The following THSD7B variants were observed in gnomAD, a reference collection of about 807,000 sequenced individuals.
THSD7B encodes the protein thrombospondin type-1 domain-containing protein 7B.
Under a neutral mutation model 213.6 loss-of-function variants are expected in THSD7B, and 138 were observed. That is an observed-to-expected ratio of 0.65 (90% confidence interval 0.56 to 0.74). The LOEUF is 0.74. Among genes scored for constraint, THSD7B ranks in the 30% least tolerant of loss-of-function variants. The probability of loss-of-function intolerance (pLI) is 0.00; values close to 1 mark genes in which losing one functional copy is unlikely to be tolerated. For synonymous variants in THSD7B, 742 were observed against 687.0 expected (o/e 1.08, Z -1.25); for missense variants, 1,931 against 1,991.5 (o/e 0.97, Z 0.58).
At chr2:137,290,741 T>C (rs909621296) in intron 12 of THSD7B, among the ~76,000 whole-genome samples, 9 of 152,236 alleles carry the variant, frequency 5.9e-5, no homozygotes, top group African/African-American at 2.2e-4. Context: ...TTTCTAAAAG[T>C]GAACCTATTT....
chr2:137,115,027 A>C, intron 4 of THSD7B, 97 bp from the exon 5 acceptor site: 1 of 1,376,108 alleles, frequency 7.3e-7, no homozygotes, highest in Non-Finnish European at 1.0e-6. Context: ...CCCTAGAAAG[A>C]GAGATTATGC....
chr2:137,251,814 T>C (rs1682183266), intron 10 of THSD7B, among the ~76,000 whole-genome samples: 1 of 152,226 alleles, frequency 6.6e-6, no homozygotes, highest in Admixed American at 6.5e-5. Context: ...TTAGTGATTC[T>C]AAGACACAAT....
intron 17 of THSD7B, among the ~76,000 whole-genome samples, chr2:137,613,822 C>T (rs940646188): frequency 2.0e-5 from 3 of 152,096 alleles, no homozygotes; most frequent in African/African-American, 7.2e-5. Flanking sequence ...CCTCACACTC[C>T]TCCATCTCTC....
chr2:137,176,655 A>T (rs1309961555), intron 7 of THSD7B, among the ~76,000 whole-genome samples: 1 of 152,186 alleles, frequency 6.6e-6, no homozygotes, highest in Admixed American at 6.6e-5. Context: ...TCCAGCTGAT[A>T]TCACCTACAT....
intron 27 of THSD7B, among the ~76,000 whole-genome samples, chr2:137,675,754 G>A (rs2104835279): frequency 6.6e-6 from 1 of 152,234 alleles, no homozygotes; most frequent in Admixed American, 6.5e-5. Context: ...GGCTGTGTGG[G>A]CAGGGCAAAG....
At chr2:137,658,169 C>G (rs1225438591) in intron 24 of THSD7B, among the ~76,000 whole-genome samples, 1 of 152,180 alleles carries the variant, frequency 6.6e-6, no homozygotes, top group Admixed American at 6.5e-5. Context: ...TGCTCTTGCA[C>G]TATTGGTATT....
chr2:137,056,907 C>G lies in THSD7B; in HGVS notation c.627C>G (p.Pro209=), dbSNP rs17727482. The stretch of plus-strand genomic sequence containing the variant: ...ATAGAACTCGCGCGGTCATAGCTCC[C>G]CCTCTCTTTGGTGGTTTGCAATGTC... ...LQHRTRAVIA[P]PLFGGLQCPN... The change falls in exon 3 of 28, where the codon CCC becomes CCG. Residue 209 remains proline, a synonymous_variant. Coordinates refer to ENST00000409968, the MANE Select transcript of THSD7B (RefSeq NM_001316349.2). The G allele has an allele frequency of 0.36, 578,985 of 1,613,592 alleles. 112,990 individuals carry two copies. The highest frequency in any genetic ancestry group is 0.4 in the Non-Finnish European group (469,452 of 1,179,788).
At chr2:137,063,272 A>G (rs1207462771) in intron 3 of THSD7B, among the ~76,000 whole-genome samples, 1 of 152,004 alleles carries the variant, frequency 6.6e-6, no homozygotes, top group Non-Finnish European at 1.5e-5. Flanking sequence ...TAGATCATTT[A>G]TGCTTAAAGT....
intron 1 of THSD7B, among the ~76,000 whole-genome samples, chr2:136,790,843 C>G (rs1681953552): frequency 6.6e-6 from 1 of 152,006 alleles, no homozygotes; most frequent in Non-Finnish European, 1.5e-5. Flanking sequence ...CCAAGTGTAG[C>G]AGAGGAAACT....
At chr2:137,121,015 G>A (rs1221737910) in intron 5 of THSD7B, among the ~76,000 whole-genome samples, 1 of 152,208 alleles carries the variant, frequency 6.6e-6, no homozygotes, top group Non-Finnish European at 1.5e-5. Context: ...TCCAAAGTGA[G>A]ATTGGTTTCT....
chr2:137,625,138 T>C (rs1573750587), intron 20 of THSD7B, among the ~76,000 whole-genome samples: 1 of 152,114 alleles, frequency 6.6e-6, no homozygotes, highest in Non-Finnish European at 1.5e-5. Flanking sequence ...TGGAATACTA[T>C]GCAGCCATAA....
intron 10 of THSD7B, among the ~76,000 whole-genome samples, chr2:137,252,665 G>T (rs1682213278): frequency 6.6e-6 from 1 of 152,190 alleles, no homozygotes; most frequent in Non-Finnish European, 1.5e-5. Flanking sequence ...AGCCCTTGAG[G>T]CCAGAGACTC....
intron 5 of THSD7B, among the ~76,000 whole-genome samples, chr2:137,140,927 G>T (rs1011787449): frequency 1.3e-5 from 2 of 152,148 alleles, no homozygotes; most frequent in Admixed American, 6.6e-5. Flanking sequence ...AAATAGGGAA[G>T]TCAGTAAAAG....
At chr2:136,935,489 G>T (rs1684706637) in intron 2 of THSD7B, among the ~76,000 whole-genome samples, 1 of 152,148 alleles carries the variant, frequency 6.6e-6, no homozygotes, top group African/African-American at 2.4e-5. Flanking sequence ...CTGGATGGAA[G>T]ATTTGAATAT....
At chr2:137,532,047 G>A (rs982883930) in intron 15 of THSD7B, among the ~76,000 whole-genome samples, 1 of 151,910 alleles carries the variant, frequency 6.6e-6, no homozygotes, top group African/African-American at 2.4e-5. Context: ...CATTGTAACT[G>A]TTTTTAGAGT....
At chr2:137,080,168 ATGTG>A (rs36115074) in intron 3 of THSD7B, among the ~76,000 whole-genome samples, 1 of 148,204 alleles carries the variant, frequency 6.7e-6, no homozygotes, top group African/African-American at 2.5e-5. Flanking sequence ...ATGTAAATAT[ATGTG>A]TGTGTGTGTG....
intron 12 of THSD7B, among the ~76,000 whole-genome samples, 194 bp downstream of exon 12, chr2:137,276,220 A>C (rs1042769182): frequency 2.0e-5 from 3 of 152,122 alleles, no homozygotes; most frequent in African/African-American, 7.2e-5. Context: ...AACTATAACC[A>C]GTTAGTGTAC....
chr2:137,065,174 GC>G (rs1687353040), intron 3 of THSD7B, among the ~76,000 whole-genome samples: 1 of 151,732 alleles, frequency 6.6e-6, no homozygotes, highest in East Asian at 1.9e-4. Flanking sequence ...CATTTTTTGT[GC>G]CCTCTTCAAT....
intron 12 of THSD7B, among the ~76,000 whole-genome samples, chr2:137,297,819 C>A (rs1683502922): frequency 6.6e-6 from 1 of 152,132 alleles, no homozygotes; most frequent in Non-Finnish European, 1.5e-5. Context: ...GTGTTTTTAG[C>A]CTTCTGCCAT....
Sources: gnomAD v4.1 joint callset for allele counts (sites outside exome capture counted in the v4.1 genomes callset) on GRCh38, gnomAD v4.1.1 for gene constraint, MANE v1.5 for transcripts, NCBI Gene and HGNC (gene_info 2026-07-23, HGNC 2026-07-21) for gene names.